Variants in TNS3 observed in about 807,000 individuals in gnomAD.
The protein encoded by TNS3 is tensin-3.
TNS3 carries 45 observed loss-of-function variants against 140.9 expected under a neutral mutation model. The ratio of observed to expected loss-of-function variants is 0.32; its 90% CI spans 0.25 to 0.41. The LOEUF is 0.41. TNS3 is among the 10% of genes least tolerant of loss of function. The pLI, the probability that TNS3 is intolerant of heterozygous loss-of-function variation, is 1.00. For missense variants in TNS3, 1,716 were observed against 1,906.7 expected, an observed-to-expected ratio of 0.90 and a Z score of 1.86; for synonymous variants, 815 against 788.4, an observed-to-expected ratio of 1.03 and a Z score of -0.56.
In TNS3 at chr7:47,407,074, T is replaced by A. The variant is rs535967174; in HGVS notation, c.723+4653A>T. Among the ~76,000 whole-genome samples, 6 of 152,216 alleles carry A rather than the reference T, an allele frequency of 3.9e-5. No homozygotes were observed. The South Asian group carries it at 1.2e-3, about 32-fold the overall frequency. On this transcript the variant is annotated intron_variant, in intron 13 of 30. Coordinates refer to ENST00000311160, the MANE Select transcript of TNS3 (RefSeq NM_022748.12). This position sits in a 1 kb window ranked among gnomAD's most constrained non-coding sequence, Gnocchi z 4.1. Reference sequence around the variant, plus strand: ...CTCTCTAGGGATGCTTTGCCAATAATGAGAAACGTGCAACCGCATTTTTTT... The same window carrying A: ...CTCTCTAGGGATGCTTTGCCAATAAAGAGAAACGTGCAACCGCATTTTTTT...
chr7:47,326,262 T>C (rs1379461807), intron 20 of TNS3, among the ~76,000 whole-genome samples: 1 of 152,186 alleles, frequency 6.6e-6, no homozygotes, highest in African/African-American at 2.4e-5. Flanking sequence ...CATTTCCACA[T>C]GCAAATCATC....
intron 4 of TNS3, among the ~76,000 whole-genome samples, chr7:47,457,759 G>A (rs998307389): frequency 2.6e-5 from 4 of 152,204 alleles, no homozygotes; most frequent in Non-Finnish European, 5.9e-5. Flanking sequence ...TACAGTTGAA[G>A]GACCATGGGA....
chr7:47,413,251 CTTTTTTTTTTTT>C (rs71003398), intron 12 of TNS3, among the ~76,000 whole-genome samples: 3,159 of 53,312 alleles, frequency 0.059, 143 homozygotes, highest in Admixed American at 0.16. Context: ...CAAGCCTGGC[CTTTTTTTTTTTT>C]TTTTTTTTTT....
At chr7:47,402,892 C>T (rs1793236886) in intron 13 of TNS3, among the ~76,000 whole-genome samples, 1 of 152,220 alleles carries the variant, frequency 6.6e-6, no homozygotes, top group Non-Finnish European at 1.5e-5. Flanking sequence ...AAAACAACAA[C>T]ACGATGTCAG....
In TNS3 at chr7:47,275,876, C is replaced by T. The variant is rs1168909844; in HGVS notation, c.*2200G>A. 8.8e-6 allele frequency: 4 copies of T among 456,040 alleles called. No homozygotes were observed. Among genetic ancestry groups the T allele is most frequent in the South Asian group, 3.1e-5 (2 of 64,558 alleles). 28.2% of individuals were successfully genotyped at this position (456,040 alleles called of 1,614,324 possible). ...TTCATGAGGGCCATCGCGGGCACCC[C>T]GATGTCTCTGTGATTCCCTGGCAGG... On this transcript the variant is annotated 3_prime_UTR_variant, in exon 31 of 31. Coordinates refer to ENST00000311160, the MANE Select transcript of TNS3 (RefSeq NM_022748.12).
chr7:47,310,179 A>G (rs1398492890), intron 20 of TNS3, among the ~76,000 whole-genome samples: 3 of 152,230 alleles, frequency 2.0e-5, no homozygotes, highest in Admixed American at 1.3e-4. Flanking sequence ...CACTCTGAGC[A>G]TGTTTCCCCT....
intron 1 of TNS3, chr7:47,557,011 G>A (rs1440740457): frequency 1.5e-5 from 7 of 456,200 alleles, no homozygotes; most frequent in Admixed American, 7.0e-5. Flanking sequence ...CAGGAGCAGC[G>A]GGGGCGGGGA....
chr7:47,369,682 T>G (rs1173512396), intron 16 of TNS3, 61 bp from the exon 17 acceptor site: 1 of 1,482,666 alleles, frequency 6.7e-7, no homozygotes, highest in Non-Finnish European at 9.0e-7. Context: ...CCTCACACCC[T>G]CTGAATGGGC....
chr7:47,288,465 C>G (rs1785532794), intron 27 of TNS3, among the ~76,000 whole-genome samples: 1 of 152,222 alleles, frequency 6.6e-6, no homozygotes, highest in Non-Finnish European at 1.5e-5. Context: ...TTAAAAGGTG[C>G]AACTGAAACA....
intron 13 of TNS3, chr7:47,405,433 G>A: frequency 2.9e-6 from 2 of 691,810 alleles, no homozygotes; most frequent in Admixed American, 2.0e-5. Flanking sequence ...ATATTTGGAG[G>A]GTAAAAAGTT....
intron 3 of TNS3, among the ~76,000 whole-genome samples, chr7:47,491,977 G>A (rs1290954301): frequency 6.6e-6 from 1 of 152,150 alleles, no homozygotes; most frequent in East Asian, 1.9e-4. Context: ...ACACTCAACT[G>A]GTAGTCTAAG....
Position 47,297,226 on chromosome 7 carries a change from A to G in TNS3, c.3545-13T>C. 6.2e-7 allele frequency: 1 copy of G among 1,605,540 alleles called. No individual in the cohort carries two copies. The highest frequency in any genetic ancestry group is 1.7e-5 in the Admixed American group (1 of 58,676). ...AACATGGCGATGGCTGGAGAAAGGGAGGAGAAAGACAAGAAGGTCTGCCGG... is the reference window on the plus strand; with the variant it reads ...AACATGGCGATGGCTGGAGAAAGGGGGGAGAAAGACAAGAAGGTCTGCCGG... On this transcript the variant is annotated splice_polypyrimidine_tract_variant and intron_variant, in intron 23 of 30. Coordinates refer to ENST00000311160, the MANE Select transcript of TNS3 (RefSeq NM_022748.12).
intron 4 of TNS3, among the ~76,000 whole-genome samples, chr7:47,455,167 G>A (rs1349962778): frequency 6.6e-6 from 1 of 152,126 alleles, no homozygotes; most frequent in African/African-American, 2.4e-5. Context: ...ACCACCATGG[G>A]CCACAGAGAT....
chr7:47,581,684 G>A (rs1225866521), intron 1 of TNS3: 1 of 152,160 alleles, frequency 6.6e-6, no homozygotes, highest in African/African-American at 2.4e-5. Flanking sequence ...CCCGTCCCCG[G>A]ACTCCGGCGA....
At chr7:47,569,139 A>C (rs1400713643) in intron 1 of TNS3, among the ~76,000 whole-genome samples, 1 of 152,266 alleles carries the variant, frequency 6.6e-6, no homozygotes, top group Non-Finnish European at 1.5e-5. Flanking sequence ...GTATTTGTGA[A>C]CACGATCTGG....
At chr7:47,467,269 C>A (rs1461039983) in intron 4 of TNS3, among the ~76,000 whole-genome samples, 1 of 152,160 alleles carries the variant, frequency 6.6e-6, no homozygotes. Context: ...GTGGTCATCA[C>A]GCTGGGAAAC....
At chr7:47,430,954 C>T (rs528308337) in intron 8 of TNS3, among the ~76,000 whole-genome samples, 1 of 151,694 alleles carries the variant, frequency 6.6e-6, no homozygotes, top group African/African-American at 2.4e-5. Context: ...AACTCCTGAC[C>T]TCAGGTGATC....
At chr7:47,465,236 C>T (rs969432797) in intron 4 of TNS3, among the ~76,000 whole-genome samples, 4 of 152,194 alleles carry the variant, frequency 2.6e-5, no homozygotes, top group Admixed American at 2.6e-4. Flanking sequence ...AAATAAGACA[C>T]ATTGTAGCAC....
chr7:47,392,069 G>A (rs1424667672), intron 16 of TNS3, among the ~76,000 whole-genome samples: 2 of 152,112 alleles, frequency 1.3e-5, no homozygotes, highest in Non-Finnish European at 2.9e-5. Flanking sequence ...AGGCTCTCTC[G>A]AGGATTAAAA....
Sources: gnomAD v4.1 joint callset for allele counts (sites outside exome capture counted in the v4.1 genomes callset) on GRCh38, gnomAD v4.1.1 for gene constraint, Gnocchi (gnomAD v3.1) non-coding constraint, MANE v1.5 for transcripts, NCBI Gene and HGNC (gene_info 2026-07-23, HGNC 2026-07-21) for gene names.